RUBCN: variants seen among roughly 807,000 people sequenced by gnomAD.
The protein encoded by RUBCN is run domain Beclin-1-interacting and cysteine-rich domain-containing protein.
In RUBCN, 74 loss-of-function variants were observed where a neutral mutation model predicts 113.2. The ratio of observed to expected loss-of-function variants is 0.65; its 90% CI spans 0.54 to 0.79. RUBCN has a LOEUF of 0.79. Ranked by LOEUF, RUBCN falls within the 30% of genes least tolerant of loss-of-function variation. The pLI, the probability that RUBCN is intolerant of heterozygous loss-of-function variation, is 0.00. For synonymous variants in RUBCN, 480 were observed against 490.0 expected, an observed-to-expected ratio of 0.98 and a Z score of 0.27; for missense variants, 1,109 against 1,251.7, an observed-to-expected ratio of 0.89 and a Z score of 1.72.
chr3:197,731,547 CT>C (rs1727468875), intron 1 of RUBCN, among the ~76,000 whole-genome samples: 1 of 152,186 alleles, frequency 6.6e-6, no homozygotes, highest in South Asian at 2.1e-4. Context: ...GGCAGAGGGG[CT>C]CCTCACTTCC....
chr3:197,698,091 C>A (rs183519604), intron 7 of RUBCN, among the ~76,000 whole-genome samples: 2 of 152,308 alleles, frequency 1.3e-5, no homozygotes, highest in Admixed American at 1.3e-4. Flanking sequence ...AACTCCAACA[C>A]GACCTTAACC....
chr3:197,689,027 C>CTT (rs1309240033), intron 11 of RUBCN, among the ~76,000 whole-genome samples: 5 of 136,600 alleles, frequency 3.7e-5, no homozygotes, highest in Admixed American at 7.4e-5. Context: ...TGGGTGAATT[C>CTT]TTTTTTTTTT....
chr3:197,676,530 C>G (rs149794556), intron 18 of RUBCN: 66,429 of 922,822 alleles, frequency 0.072, 2,790 homozygotes, highest in Non-Finnish European at 0.081. Flanking sequence ...TCAGGCTGGT[C>G]TTGAACTCCT....
intron 11 of RUBCN, among the ~76,000 whole-genome samples, chr3:197,688,290 G>A (rs1299734894): frequency 6.6e-6 from 1 of 152,124 alleles, no homozygotes; most frequent in Non-Finnish European, 1.5e-5. Context: ...GCCTCCCAAA[G>A]TTCTGGGATG....
At chr3:197,749,695 T>C in exon 1 of RUBCN, 1 of 646,572 alleles carries the variant, frequency 1.5e-6, no homozygotes, top group South Asian at 1.5e-5. Flanking sequence ...AAAGTCGAAC[T>C]GCTCACAACG....
rs570156520 is a variant in RUBCN, at chr3:197,675,952, C to G, written c.2647-437G>C. ...AAGGATTTCCAGTTCCTCCCAGACA[C>G]ACAGGGTTTCCTACCTGTGCCCAGC... On this transcript the variant is annotated intron_variant, in intron 18 of 19. Coordinates refer to ENST00000296343, the MANE Select transcript of RUBCN (RefSeq NM_014687.4). The surrounding 1 kb of genome is among the most constrained non-coding windows in gnomAD (Gnocchi z 4.4). 6.6e-6 allele frequency among the ~76,000 whole-genome samples: 1 copy of G among 152,312 alleles called. No homozygotes were observed. The highest frequency in any genetic ancestry group is 2.4e-5 in the African/African-American group (1 of 41,566).
At chr3:197,737,912 G>A (rs1387357012), upstream of RUBCN, among the ~76,000 whole-genome samples, 1 of 152,104 alleles carries the variant, frequency 6.6e-6, no homozygotes, top group Non-Finnish European at 1.5e-5. Context: ...TTTCAAAGAC[G>A]GGGTCTCTCT....
chr3:197,691,120 G>A (rs1439038678), intron 11 of RUBCN: 1 of 1,289,172 alleles, frequency 7.8e-7, no homozygotes, highest in Non-Finnish European at 1.0e-6. Context: ...TCTTTGATAT[G>A]TGAGTCAGGT....
intron 1 of RUBCN, among the ~76,000 whole-genome samples, chr3:197,742,046 C>T (rs896180347): frequency 3.3e-5 from 5 of 151,646 alleles, no homozygotes; most frequent in African/African-American, 4.8e-5. Context: ...TACGGGCGCC[C>T]GCTGCCGCCT....
At chr3:197,729,191 A>G (rs1727117126) in intron 1 of RUBCN, among the ~76,000 whole-genome samples, 2 of 151,614 alleles carry the variant, frequency 1.3e-5, no homozygotes, top group Non-Finnish European at 2.9e-5. Context: ...GAGTTTTGAC[A>G]TGGAAAATAT....
intron 11 of RUBCN, among the ~76,000 whole-genome samples, chr3:197,692,697 G>A (rs1270792308): frequency 1.3e-5 from 2 of 152,158 alleles, no homozygotes; most frequent in Non-Finnish European, 2.9e-5. Context: ...ACCTATTGTT[G>A]TCATACATAG....
rs751827474 is a variant in RUBCN at position 197,675,238 on chromosome 3, G to C, written c.2741-42C>G. The C allele has an allele frequency of 1.9e-6, 3 of 1,606,744 alleles. No homozygotes were observed. The highest frequency in any genetic ancestry group is 1.6e-4 in the Middle Eastern group (1 of 6,072). On this transcript the variant is annotated intron_variant, in intron 19 of 19. Coordinates refer to ENST00000296343, the MANE Select transcript of RUBCN (RefSeq NM_014687.4). The surrounding 1 kb of genome is among the most constrained non-coding windows in gnomAD (Gnocchi z 4.4). Reference sequence around the variant, plus strand: ...GGTGGGGGAGAGAAGAAAACAATTTGTATTATCTCCAGCTAGAGGTCAGTT... The same window carrying C: ...GGTGGGGGAGAGAAGAAAACAATTTCTATTATCTCCAGCTAGAGGTCAGTT...
rs1209195319 is a variant in RUBCN, at chr3:197,675,885, G to A, written c.2647-370C>T. On this transcript the variant is annotated intron_variant, in intron 18 of 19. Transcript: ENST00000296343. The surrounding 1 kb of genome is among the most constrained non-coding windows in gnomAD (Gnocchi z 4.4). ...TAAGATAAAATGTGGAGACGAGGCT[G>A]TTCCTCAAACACAGCTCCAAGCCTG... 6.6e-6 allele frequency among the ~76,000 whole-genome samples: 1 copy of A among 150,934 alleles called. No individual in the cohort carries two copies. The highest frequency in any genetic ancestry group is 1.9e-4 in the East Asian group (1 of 5,168).
At position 197,674,853 on chromosome 3, in the gene RUBCN, A is replaced by AT; in HGVS notation, c.*164_*165insA. ...GGACCCATCAACCTGCCGACGGCTG[A>AT]CTGCACACAGACGTCAGACAAGTCA... is the stretch of plus-strand genomic sequence containing the variant. On this transcript the variant is annotated 3_prime_UTR_variant, in exon 20 of 20. Coordinates refer to ENST00000296343, the MANE Select transcript of RUBCN (RefSeq NM_014687.4). The AT allele has an allele frequency of 5.0e-6, 3 of 600,454 alleles. No homozygotes were observed. Among genetic ancestry groups the AT allele is most frequent in the South Asian group, 2.5e-5 (1 of 40,282 alleles). The allele number at this position is 600,454 out of a possible 1,614,324, so 37.2% of individuals were successfully genotyped here. A position where few individuals can be genotyped will look rare whatever the true frequency, so the allele number is the denominator to read the frequency against.
In RUBCN at chr3:197,674,916, A is replaced by AAG; in HGVS notation, c.*101_*102insCT. ...AAAAAGATGATGATAATTAAAAAAA[A>AAG]AAAAAAAAAAAGAAGCCCCAGGTGG... On this transcript the variant is annotated 3_prime_UTR_variant, in exon 20 of 20. Coordinates refer to ENST00000296343, the MANE Select transcript of RUBCN (RefSeq NM_014687.4). The AAG allele has an allele frequency of 1.0e-6, 1 of 998,090 alleles. No homozygotes were observed. Among genetic ancestry groups the AAG allele is most frequent in the Non-Finnish European group, 1.4e-6 (1 of 712,464 alleles). 61.8% of individuals were successfully genotyped at this position (998,090 alleles called of 1,614,324 possible).
intron 3 of RUBCN, 72 bp downstream of exon 3, chr3:197,705,020 T>G: frequency 8.3e-7 from 1 of 1,201,412 alleles, no homozygotes; most frequent in Non-Finnish European, 1.2e-6. Flanking sequence ...GCCTAGAAGA[T>G]TCTTCTGACA....
rs368279470 is a variant in RUBCN, at chr3:197,736,744, G to A, written c.-25C>T. 13 of 1,527,740 alleles carry A rather than the reference G, an allele frequency of 8.5e-6. No individual in the cohort carries two copies. The African/African-American group carries it at 1.8e-4, about 21-fold the overall frequency. 94.6% of individuals were successfully genotyped at this position (1,527,740 alleles called of 1,614,324 possible). On this transcript the variant is annotated 5_prime_UTR_variant, in exon 1 of 20. Coordinates refer to ENST00000296343, the MANE Select transcript of RUBCN (RefSeq NM_014687.4). The stretch of plus-strand genomic sequence containing the variant: ...TCCGGGGCGGTGAGGCCGCCTCTTC[G>A]CCCAAGAGAGGCGTCCCTGCCGCTT...
intron 17 of RUBCN, 130 bp from the exon 18 acceptor site, chr3:197,677,168 G>C: frequency 1.2e-5 from 12 of 1,011,030 alleles, no homozygotes; most frequent in Non-Finnish European, 1.7e-5. Context: ...CAAGGTTCCA[G>C]GCCGCCGCAG....
intron 1 of RUBCN, among the ~76,000 whole-genome samples, chr3:197,723,835 C>G (rs1352129087): frequency 1.3e-5 from 2 of 152,302 alleles, no homozygotes; most frequent in East Asian, 3.9e-4. Context: ...TGGCTCACGC[C>G]TGTAATCCCA....
Sources: allele counts gnomAD v4.1 joint callset (sites outside exome capture counted in the v4.1 genomes callset), GRCh38; gene constraint gnomAD v4.1.1; non-coding constraint Gnocchi (gnomAD v3.1); transcripts MANE v1.5; gene names NCBI Gene and HGNC (gene_info 2026-07-23, HGNC 2026-07-21).